The following CFAP46 variants were observed in gnomAD, a reference collection of about 807,000 sequenced individuals.
CFAP46 encodes cilia- and flagella-associated protein 46.
In CFAP46, 245 loss-of-function variants were observed where a neutral mutation model predicts 325.7. The ratio of observed to expected loss-of-function variants is 0.75; its 90% confidence interval spans 0.68 to 0.84. The LOEUF is 0.84. CFAP46 is among the 40% of genes least tolerant of loss of function. The probability of loss-of-function intolerance (pLI) is 0.00; values close to 1 mark genes in which losing one functional copy is unlikely to be tolerated. For synonymous variants in CFAP46, 1,523 were observed against 1,495.9 expected, an observed-to-expected ratio of 1.02 and a Z score of -0.42; for missense variants, 3,346 against 3,543.0, an observed-to-expected ratio of 0.94 and a Z score of 1.41.
Position 132,924,882 on chromosome 10 carries a change from T to A in CFAP46, c.1070A>T (p.Gln357Leu). 7.2e-7 allele frequency: 1 copy of A among 1,382,254 alleles called. No homozygotes were observed. The highest frequency in any genetic ancestry group is 1.5e-5 in the African/African-American group (1 of 65,788). The allele number at this position is 1,382,254 out of a possible 1,614,324, so 85.6% of individuals were successfully genotyped here. Residue 357 changes from glutamine (Q) to leucine (L), a missense_variant, in exon 11 of 58, where the codon CAG (glutamine) becomes CTG (leucine). Physicochemically the swap from Gln to Leu is moderately radical, Grantham distance 113. Transcript: ENST00000368586. The stretch of plus-strand genomic sequence containing the variant: ...GTCTAGCCTCTGTATGATATCCAGC[T>A]GGGCCTGCGGAGAAGACGTGGGGGA... Reference protein sequence around the residue: ...KVYNRAAVEAQLDIIQRLDVA... With the variant: ...KVYNRAAVEALLDIIQRLDVA...
rs763213502 is a variant in CFAP46 at position 132,833,457 on chromosome 10, G to T, written c.7018C>A (p.Leu2340Met). ...TCATCGAACACAGAGAGACCTTCCA[G>T]TGGCAGCTCCAGGAGATGTCTGTCT... The part of the protein sequence containing the change: ...VADRHLLELP[L>M]EGLSVFDEGT... Residue 2340 changes from leucine (L) to methionine (M), a missense_variant, in exon 50 of 58, where the codon CTG becomes ATG. Coordinates refer to ENST00000368586, the MANE Select transcript of CFAP46 (RefSeq NM_001200049.3). The T allele has an allele frequency of 6.2e-7, 1 of 1,614,180 alleles. No homozygotes were observed. The highest frequency in any genetic ancestry group is 8.5e-7 in the Non-Finnish European group (1 of 1,180,038).
At chr10:132,941,871 C>T (rs1239334311) in intron 2 of CFAP46, 109 bp downstream of exon 2, 4 of 1,506,122 alleles carry the variant, frequency 2.7e-6, no homozygotes, top group Middle Eastern at 2.1e-4. Context: ...CTTGACTGCC[C>T]GGCCAGGAGC....
At chr10:132,859,298 C>T (rs1385463497) in intron 37 of CFAP46, 51 bp from the exon 38 acceptor site, 1 of 1,482,724 alleles carries the variant, frequency 6.7e-7, no homozygotes, top group African/African-American at 1.4e-5. Flanking sequence ...AGGGCCGCGT[C>T]AGGGCTTGCG....
At position 132,828,952 on chromosome 10, in the gene CFAP46, G is replaced by A. The variant is rs913539370; in HGVS notation, c.7117+4406C>T. Among the ~76,000 whole-genome samples the A allele has an allele frequency of 2.6e-5, 4 of 151,832 alleles. No homozygotes were observed. The highest frequency in any genetic ancestry group is 1.3e-4 in the Admixed American group (2 of 15,244). Reference sequence around the variant, plus strand: ...TCTACACGGCTACCGTCACGCCTGCGCTCCACTGTATCAATACTGCACCCA... The same window carrying A: ...TCTACACGGCTACCGTCACGCCTGCACTCCACTGTATCAATACTGCACCCA... On this transcript the variant is annotated intron_variant, in intron 50 of 57. Coordinates refer to ENST00000368586, the MANE Select transcript of CFAP46 (RefSeq NM_001200049.3). The surrounding 1 kb of genome is among the most constrained non-coding windows in gnomAD (Gnocchi z 4.9).
chr10:132,808,687 G>A lies in CFAP46; in HGVS notation c.7882C>T (p.Pro2628Ser). 8 of 1,574,758 alleles carry A rather than the reference G, an allele frequency of 5.1e-6. No individual in the cohort carries two copies. Among genetic ancestry groups the A allele is most frequent in the Non-Finnish European group, 6.9e-6 (8 of 1,160,104 alleles). The change falls in exon 58 of 58, where the codon CCC (proline) becomes TCC (serine). Residue 2628 changes from proline (P) to serine (S), a missense_variant. Coordinates refer to ENST00000368586, the MANE Select transcript of CFAP46 (RefSeq NM_001200049.3). The surrounding 1 kb of genome is among the most constrained non-coding windows in gnomAD (Gnocchi z 6.8). Reference sequence around the variant, plus strand: ...AAGGGGAGAGCGAGCTGGGAGCTGGGGATGGGAGCCGGGAGGTGGGGATGG... The same window carrying A: ...AAGGGGAGAGCGAGCTGGGAGCTGGAGATGGGAGCCGGGAGGTGGGGATGG... ...PTHPHLPAPI[P>S]SSQLALPFLG...
rs1847606663 is a variant in CFAP46 at position 132,812,766 on chromosome 10, C to T, written c.7501+19G>A. 1.3e-6 allele frequency: 2 copies of T among 1,553,660 alleles called. No individual in the cohort carries two copies. The highest frequency in any genetic ancestry group is 4.5e-5 in the East Asian group (2 of 44,626). ...TCCTGTGCCCGCGGGGGAGGGGGTG[C>T]TGAGAGGACACCTCTCACCTTGCAA... On this transcript the variant is annotated intron_variant, in intron 55 of 57. Coordinates refer to ENST00000368586, the MANE Select transcript of CFAP46 (RefSeq NM_001200049.3).
At position 132,912,831 on chromosome 10, in the gene CFAP46, T is replaced by C. The variant is rs12254100; in HGVS notation, c.2334-11A>G. The C allele has an allele frequency of 0.4, 618,478 of 1,546,908 alleles. 125,480 individuals carry two copies. Among genetic ancestry groups the C allele is most frequent in the Admixed American group, 0.58 (29,763 of 50,994 alleles). ...AGCATCACGGGGTCCCTGGGAGACA[T>C]GCTTGTCAGAGGGAACCTTGGCCCC... On this transcript the variant is annotated splice_polypyrimidine_tract_variant and intron_variant, in intron 18 of 57. Coordinates refer to ENST00000368586, the MANE Select transcript of CFAP46 (RefSeq NM_001200049.3).
At chr10:132,893,240 C>T (rs1368801978) in intron 24 of CFAP46, among the ~76,000 whole-genome samples, 1 of 152,212 alleles carries the variant, frequency 6.6e-6, no homozygotes, top group African/African-American at 2.4e-5. Flanking sequence ...AGGCAGCCAC[C>T]GTACACGTGG....
intron 24 of CFAP46, among the ~76,000 whole-genome samples, chr10:132,893,138 T>C (rs945371840): frequency 6.6e-6 from 1 of 152,190 alleles, no homozygotes; most frequent in Non-Finnish European, 1.5e-5. Flanking sequence ...ATGACCTTCC[T>C]CTAGGAACAC....
At chr10:132,900,883 C>A (rs1341822275) in intron 22 of CFAP46, among the ~76,000 whole-genome samples, 4 of 152,250 alleles carry the variant, frequency 2.6e-5, no homozygotes, top group African/African-American at 9.6e-5. Flanking sequence ...CAGCTAGAAT[C>A]GTAGACGTAT....
In CFAP46 at chr10:132,884,329, G is replaced by A. The variant is rs534751163; in HGVS notation, c.3627+774C>T. 5.9e-5 allele frequency among the ~76,000 whole-genome samples: 9 copies of A among 152,268 alleles called. No homozygotes were observed. The highest frequency in any genetic ancestry group is 3.9e-4 in the East Asian group (2 of 5,174). On this transcript the variant is annotated intron_variant, in intron 27 of 57. Coordinates refer to ENST00000368586, the MANE Select transcript of CFAP46 (RefSeq NM_001200049.3). This position sits in a 1 kb window ranked among gnomAD's most constrained non-coding sequence, Gnocchi z 5.4. ...CCTGAGCCGGCACTCACACAGCACC[G>A]TCAGAGACCCCCAACCATCCTCAGT...
chr10:132,916,500 T>C, intron 17 of CFAP46, 49 bp downstream of exon 17: 1 of 1,521,022 alleles, frequency 6.6e-7, no homozygotes, highest in Non-Finnish European at 8.8e-7. Context: ...GGGGACACTC[T>C]GACCCACGGC....
intron 56 of CFAP46, 57 bp from the exon 57 acceptor site, chr10:132,810,546 G>A (rs1354142931): frequency 4.6e-6 from 7 of 1,524,672 alleles, no homozygotes; most frequent in Non-Finnish European, 6.4e-6. Context: ...CTTGCTGAAG[G>A]GTTGCGGGAC....
rs150502485 is a variant in CFAP46 at position 132,847,227 on chromosome 10, G to T, written c.6047C>A (p.Ala2016Glu). 8.3e-5 allele frequency: 134 copies of T among 1,613,070 alleles called. 1 individual carries two copies. Among genetic ancestry groups the T allele is most frequent in the Non-Finnish European group, 1.1e-4 (124 of 1,179,946 alleles). The change falls in exon 42 of 58, where the codon GCA becomes GAA. Residue 2016 changes from alanine to glutamate, a missense_variant. By Grantham distance (107) the Ala-to-Glu change is moderately radical. Transcript: ENST00000368586. This position sits in a 1 kb window ranked among gnomAD's most constrained non-coding sequence, Gnocchi z 5.2. ...TCTCCTGCAGTGCTCCTCCGGGGCT[G>T]CCCTGGAGGCCGGCGGGTCCCTGCT... is the stretch of plus-strand genomic sequence containing the variant. ...KSSRDPPASR[A>E]APEEHCRRGE...
At chr10:132,936,476 A>C (rs1371545528) in intron 7 of CFAP46, among the ~76,000 whole-genome samples, 5 of 111,180 alleles carry the variant, frequency 4.5e-5, no homozygotes, top group South Asian at 3.1e-4. Context: ...TCCCCTCGGC[A>C]CCCAAACACA....
chr10:132,848,804 G>A (rs1251926997), intron 41 of CFAP46, among the ~76,000 whole-genome samples: 1 of 152,076 alleles, frequency 6.6e-6, no homozygotes, highest in Non-Finnish European at 1.5e-5. Flanking sequence ...ACTTCTCCCT[G>A]TGTCCACGCG....
At chr10:132,814,369 G>T in intron 53 of CFAP46, 115 bp from the exon 54 acceptor site, 2 of 1,059,500 alleles carry the variant, frequency 1.9e-6, no homozygotes, top group Non-Finnish European at 2.8e-6. Context: ...TCAGTGCCCT[G>T]CCATGCCCGG....
At chr10:132,861,886 C>G (rs1405965327) in intron 35 of CFAP46, among the ~76,000 whole-genome samples, 1 of 152,200 alleles carries the variant, frequency 6.6e-6, no homozygotes, top group Non-Finnish European at 1.5e-5. Flanking sequence ...TGGGGCTACC[C>G]GCCGCCAGAG....
chr10:132,834,781 G>T lies in CFAP46; in HGVS notation c.6745-6C>A. ...ACCTGCAGGCCTTCTGGTTCCTACC[G>T]CAATCCAAAAAAGAGGCCCCCGTAG... On this transcript the variant is annotated splice_region_variant and splice_polypyrimidine_tract_variant and intron_variant, in intron 47 of 57. Coordinates refer to ENST00000368586, the MANE Select transcript of CFAP46 (RefSeq NM_001200049.3). 3 of 1,607,768 alleles carry T rather than the reference G, an allele frequency of 1.9e-6. No homozygotes were observed. The highest frequency in any genetic ancestry group is 2.5e-6 in the Non-Finnish European group (3 of 1,176,486).
Sources: allele counts gnomAD v4.1 joint callset (sites outside exome capture counted in the v4.1 genomes callset), GRCh38; gene constraint gnomAD v4.1.1; non-coding constraint Gnocchi (gnomAD v3.1); transcripts MANE v1.5; gene names NCBI Gene and HGNC (gene_info 2026-07-23, HGNC 2026-07-21).